Variants in FAM162B observed in about 807,000 individuals in gnomAD.
The protein encoded by FAM162B is family with sequence similarity 162 member B.
FAM162B carries 16 observed loss-of-function variants against 20.0 expected under a neutral mutation model. The observed-to-expected ratio is 0.80, with a 90% CI of 0.54 to 1.21. FAM162B has a LOEUF of 1.21. FAM162B is among the 50% of genes most tolerant of loss of function. FAM162B has a pLI of 0.00. For synonymous variants in FAM162B, 83 were observed against 89.7 expected, an observed-to-expected ratio of 0.93 and a Z score of 0.42; for missense variants, 260 against 227.5, an observed-to-expected ratio of 1.14 and a Z score of -0.92.
At chr6:116,757,872 G>C (rs1416546246) in intron 3 of FAM162B, among the ~76,000 whole-genome samples, 2 of 152,148 alleles carry the variant, frequency 1.3e-5, no homozygotes, top group African/African-American at 4.8e-5. Context: ...GAGCGTTTGA[G>C]GCACGAGCCT....
intron 3 of FAM162B, among the ~76,000 whole-genome samples, chr6:116,757,674 G>C (rs1780067829): frequency 6.6e-6 from 1 of 150,786 alleles, no homozygotes; most frequent in Non-Finnish European, 1.5e-5. Flanking sequence ...CCTTGAGCCT[G>C]GCAGGCAGAG....
chr6:116,760,787 A>ATAGGAATTATATATAAT (rs1435833950), intron 3 of FAM162B, among the ~76,000 whole-genome samples: 1 of 152,236 alleles, frequency 6.6e-6, no homozygotes, highest in East Asian at 1.9e-4. Flanking sequence ...ATAGGAATGA[A>ATAGGAATTATATATAAT]AGGACATTTA....
Position 116,765,538 on chromosome 6 carries a change from G to A in FAM162B, c.39C>T (p.Arg13=), listed in dbSNP as rs781675914. 2 of 1,389,324 alleles carry A rather than the reference G, an allele frequency of 1.4e-6. No homozygotes were observed. Among genetic ancestry groups the A allele is most frequent in the Admixed American group, 6.6e-5 (2 of 30,174 alleles). The allele number at this position is 1,389,324 out of a possible 1,614,324, so 86.1% of individuals were successfully genotyped here. The part of the protein sequence containing the change: ...RAVGSLLRLG[R]GLTVRCGPGA... ...CGGGGCCGCAGCGGACTGTTAGCCC[G>A]CGGCCAAGGCGCAGTAGGCTCCCGA... Residue 13 remains arginine, a synonymous_variant, in exon 1 of 4, where the codon CGC becomes CGT. Transcript: ENST00000368557.
chr6:116,763,356 G>T (rs1010708036), intron 2 of FAM162B, among the ~76,000 whole-genome samples: 24 of 152,092 alleles, frequency 1.6e-4, no homozygotes, highest in African/African-American at 4.3e-4. Context: ...TAGGTCACTT[G>T]TTCATTATAT....
At position 116,765,633 on chromosome 6, in the gene FAM162B, C is replaced by T; in HGVS notation, c.-57G>A. On this transcript the variant is annotated 5_prime_UTR_variant, in exon 1 of 4. Coordinates refer to ENST00000368557, the MANE Select transcript of FAM162B (RefSeq NM_001085480.3). Reference sequence around the variant, plus strand: ...CTCCGGACCCAGCCACAGGCGTTGTCCCCGCAGCTCTCCTCGTCCCGCCCC... The same window carrying T: ...CTCCGGACCCAGCCACAGGCGTTGTTCCCGCAGCTCTCCTCGTCCCGCCCC... 7.9e-7 allele frequency: 1 copy of T among 1,263,310 alleles called. No homozygotes were observed. The highest frequency in any genetic ancestry group is 9.9e-7 in the Non-Finnish European group (1 of 1,008,078). 78.3% of individuals were successfully genotyped at this position (1,263,310 alleles called of 1,614,324 possible).
At chr6:116,760,530 A>C (rs554434499) in intron 3 of FAM162B, among the ~76,000 whole-genome samples, 1 of 152,272 alleles carries the variant, frequency 6.6e-6, no homozygotes, top group South Asian at 2.1e-4. Context: ...TTAGAGGGTG[A>C]TTCTAAGTAA....
At chr6:116,764,583 TC>T (rs1771867695) in intron 2 of FAM162B, among the ~76,000 whole-genome samples, 2 of 152,062 alleles carry the variant, frequency 1.3e-5, no homozygotes, top group African/African-American at 4.8e-5. Context: ...CTCCCGCGCG[TC>T]CCACCCTGAG....
At chr6:116,759,857 GC>G (rs1433856169) in intron 3 of FAM162B, among the ~76,000 whole-genome samples, 1 of 152,002 alleles carries the variant, frequency 6.6e-6, no homozygotes, top group Non-Finnish European at 1.5e-5. Context: ...TCACCTCTAA[GC>G]TTTGCACATG....
At chr6:116,763,395 TTGTAAG>T (rs1771845689) in intron 2 of FAM162B, among the ~76,000 whole-genome samples, 1 of 152,176 alleles carries the variant, frequency 6.6e-6, no homozygotes, top group Non-Finnish European at 1.5e-5. Flanking sequence ...GCTGTTTACA[TTGTAAG>T]TGTGACACTT....
At chr6:116,754,605 C>T (rs1006636185) in intron 3 of FAM162B, among the ~76,000 whole-genome samples, 6 of 152,104 alleles carry the variant, frequency 3.9e-5, no homozygotes, top group Admixed American at 6.6e-5. Context: ...TCTTGAGGAA[C>T]CTGTGACAGT....
intron 3 of FAM162B, 27 bp downstream of exon 3, chr6:116,761,950 G>T (rs1333533780): frequency 6.5e-7 from 1 of 1,535,904 alleles, no homozygotes; most frequent in South Asian, 1.2e-5. Flanking sequence ...CCTTTTAACT[G>T]ACTTGCCCTT....
At chr6:116,757,676 C>T (rs1031326411) in intron 3 of FAM162B, among the ~76,000 whole-genome samples, 2 of 147,906 alleles carry the variant, frequency 1.4e-5, no homozygotes, top group Admixed American at 1.4e-4. Flanking sequence ...TTGAGCCTGG[C>T]AGGCAGAGGA....
intron 3 of FAM162B, 55 bp downstream of exon 3, chr6:116,761,921 CT>C: frequency 7.6e-7 from 1 of 1,322,180 alleles, no homozygotes; most frequent in Non-Finnish European, 1.0e-6. Flanking sequence ...TAGGGAGGTA[CT>C]TAAAAAGAGG....
At chr6:116,760,227 G>A (rs956251885) in intron 3 of FAM162B, among the ~76,000 whole-genome samples, 2 of 152,134 alleles carry the variant, frequency 1.3e-5, no homozygotes, top group Admixed American at 6.6e-5. Context: ...AATAACTGGT[G>A]CTACACATAA....
intron 3 of FAM162B, among the ~76,000 whole-genome samples, chr6:116,757,644 G>A (rs1192540701): frequency 6.6e-6 from 1 of 151,860 alleles, no homozygotes; most frequent in Non-Finnish European, 1.5e-5. Context: ...AGATACTTAG[G>A]AGGCTGAGCC....
At chr6:116,764,152 A>G (rs991101117) in intron 2 of FAM162B, among the ~76,000 whole-genome samples, 2 of 152,158 alleles carry the variant, frequency 1.3e-5, no homozygotes, top group East Asian at 1.9e-4. Context: ...ATAAACTGCA[A>G]TTGTTTATAA....
Position 116,762,015 on chromosome 6 carries a change from T to A in FAM162B, c.352A>T (p.Ile118Phe). Reference protein sequence around the residue: ...KACYIMIGLTIIACFAVIVSA... With the variant: ...KACYIMIGLTFIACFAVIVSA... Reference sequence around the variant, plus strand: ...ACTATCACAGCAAAGCAGGCGATAATTGTGAGTCCAATCATTATGTAACAA... The same window carrying A: ...ACTATCACAGCAAAGCAGGCGATAAATGTGAGTCCAATCATTATGTAACAA... The change falls in exon 3 of 4, where the codon ATT becomes TTT. Residue 118 changes from isoleucine (I) to phenylalanine (F), a missense_variant. Transcript: ENST00000368557. The A allele has an allele frequency of 1.2e-6, 2 of 1,603,190 alleles. No individual in the cohort carries two copies. Among genetic ancestry groups the A allele is most frequent in the Non-Finnish European group, 1.7e-6 (2 of 1,171,812 alleles).
chr6:116,759,294 TC>T (rs1780092623), intron 3 of FAM162B, among the ~76,000 whole-genome samples: 3 of 146,892 alleles, frequency 2.0e-5, no homozygotes, highest in African/African-American at 5.3e-5. Flanking sequence ...TTCTAATCTT[TC>T]TTTCTTTTTT....
At chr6:116,760,216 C>T (rs1780124711) in intron 3 of FAM162B, among the ~76,000 whole-genome samples, 3 of 152,140 alleles carry the variant, frequency 2.0e-5, no homozygotes. Context: ...GGAAACAGAG[C>T]AATAACTGGT....
Sources: gnomAD v4.1 joint callset for allele counts (sites outside exome capture counted in the v4.1 genomes callset) on GRCh38, gnomAD v4.1.1 for gene constraint, MANE v1.5 for transcripts, NCBI Gene and HGNC (gene_info 2026-07-23, HGNC 2026-07-21) for gene names.